FBXW11: variants seen among roughly 807,000 people sequenced by gnomAD.
The protein encoded by FBXW11 is F-box/WD repeat-containing protein 11.
A neutral mutation model predicts 77.6 loss-of-function variants in FBXW11; 19 were observed. That is an observed-to-expected ratio of 0.24 (90% CI 0.17 to 0.36). The LOEUF (loss-of-function observed/expected upper bound fraction) is 0.36, where lower values mean the gene tolerates loss of function less well. FBXW11 is among the 10% of genes least tolerant of loss of function. The probability of loss-of-function intolerance (pLI) is 1.00; values close to 1 mark genes in which losing one functional copy is unlikely to be tolerated. For synonymous variants in FBXW11, 235 were observed against 249.4 expected (o/e 0.94, Z 0.54); for missense variants, 334 against 704.2 (o/e 0.47, Z 5.95).
intron 1 of FBXW11, among the ~76,000 whole-genome samples, chr5:171,993,934 T>C (rs1483294337): frequency 6.6e-6 from 1 of 152,176 alleles, no homozygotes; most frequent in African/African-American, 2.4e-5. Flanking sequence ...ACACTGAACA[T>C]TTCAATCATT....
intron 11 of FBXW11, among the ~76,000 whole-genome samples, chr5:171,870,040 T>G (rs1757660034): frequency 6.6e-6 from 1 of 152,178 alleles, no homozygotes. Flanking sequence ...TTAAGGGAGA[T>G]AAGAAAACAA....
chr5:171,897,633 C>G (rs1390165932), intron 6 of FBXW11, among the ~76,000 whole-genome samples: 1 of 152,138 alleles, frequency 6.6e-6, no homozygotes, highest in Admixed American at 6.5e-5. Context: ...TCAACCTGAT[C>G]AGAGTTCTTC....
At chr5:171,924,781 T>G (rs1761802162) in intron 2 of FBXW11, among the ~76,000 whole-genome samples, 1 of 4,898 alleles carries the variant, frequency 2.0e-4, no homozygotes, top group African/African-American at 1.1e-3. Context: ...CCACCCCCGC[T>G]GATTGGTAGT....
At chr5:171,886,963 G>T (rs1247066275) in intron 7 of FBXW11, among the ~76,000 whole-genome samples, 1 of 152,110 alleles carries the variant, frequency 6.6e-6, no homozygotes, top group Non-Finnish European at 1.5e-5. Context: ...AGGTTGCAGT[G>T]AGCCGAAATC....
chr5:171,877,312 A>G (rs1327297316), intron 8 of FBXW11, among the ~76,000 whole-genome samples: 1 of 152,174 alleles, frequency 6.6e-6, no homozygotes, highest in African/African-American at 2.4e-5. Flanking sequence ...GAATGGTTCC[A>G]AGCTTAGTTC....
rs1245742794 is a variant in FBXW11, at chr5:171,869,613, T to A, written c.1530+116A>T. The A allele has an allele frequency of 7.7e-6, 5 of 648,550 alleles. No individual in the cohort carries two copies. Among genetic ancestry groups the A allele is most frequent in the Non-Finnish European group, 1.2e-5 (5 of 404,380 alleles). The allele number at this position is 648,550 out of a possible 1,614,324, so 40.2% of individuals were successfully genotyped here. On this transcript the variant is annotated intron_variant, in intron 12 of 13. Transcript: ENST00000517395. This position sits in a 1 kb window ranked among gnomAD's most constrained non-coding sequence, Gnocchi z 4.1. ...CTAAACAAAATGAAGACTGAAATTC[T>A]CTGAAGGCATCTTGTGAGACACACA...
intron 1 of FBXW11, among the ~76,000 whole-genome samples, chr5:172,004,682 T>C (rs1766621373): frequency 6.6e-6 from 1 of 152,204 alleles, no homozygotes; most frequent in South Asian, 2.1e-4. Context: ...ACTTCTGTTG[T>C]AAGTACATGC....
At chr5:171,922,120 T>C (rs753413899) in intron 2 of FBXW11, among the ~76,000 whole-genome samples, 1 of 152,124 alleles carries the variant, frequency 6.6e-6, no homozygotes, top group African/African-American at 2.4e-5. Flanking sequence ...TTACTAGATA[T>C]ATCTCAAACT....
chr5:171,878,870 T>C (rs1173070888), intron 7 of FBXW11, among the ~76,000 whole-genome samples: 1 of 152,086 alleles, frequency 6.6e-6, no homozygotes. Context: ...ACAACGTCTA[T>C]TAAGAGGTTT....
chr5:172,000,539 T>C (rs981109352), intron 1 of FBXW11, among the ~76,000 whole-genome samples: 4 of 152,230 alleles, frequency 2.6e-5, no homozygotes, highest in Non-Finnish European at 4.4e-5. Flanking sequence ...CAACTAAATG[T>C]TAGTCTTCTG....
intron 2 of FBXW11, among the ~76,000 whole-genome samples, chr5:171,924,501 G>A (rs191897770): frequency 1.1e-4 from 17 of 152,184 alleles, no homozygotes; most frequent in East Asian, 3.9e-4. Context: ...CTGTTTTGTC[G>A]CTCAATAAAA....
At chr5:171,936,408 A>G (rs1450502047) in intron 2 of FBXW11, among the ~76,000 whole-genome samples, 1 of 151,090 alleles carries the variant, frequency 6.6e-6, no homozygotes, top group Non-Finnish European at 1.5e-5. Context: ...GGCGGCCCCA[A>G]TCACTTGAGC....
intron 4 of FBXW11, among the ~76,000 whole-genome samples, chr5:171,900,370 G>C (rs888359941): frequency 2.0e-5 from 3 of 152,128 alleles, no homozygotes; most frequent in Non-Finnish European, 4.4e-5. Context: ...CAAATATTAA[G>C]ATAAGACTTT....
In FBXW11 at chr5:171,916,384, T is replaced by A. The variant is rs17074180; in HGVS notation, c.148-1979A>T. ...ACCTGACTTTCTCAGTAAAATCTTA[T>A]AAACCCCACAGCATCAAGGTCCACA... On this transcript the variant is annotated intron_variant, in intron 2 of 13. Transcript: ENST00000517395. 1,898 of 955,234 alleles carry A rather than the reference T, an allele frequency of 2.0e-3. 34 individuals carry two copies. In the African/African-American group the frequency reaches 0.031, roughly 16 times the overall value. 59.2% of individuals were successfully genotyped at this position (955,234 alleles called of 1,614,324 possible). A position where few individuals can be genotyped will look rare whatever the true frequency, so the allele number is the denominator to read the frequency against.
chr5:171,872,815 G>T, intron 10 of FBXW11, 57 bp downstream of exon 10: 1 of 1,207,804 alleles, frequency 8.3e-7, no homozygotes, highest in Non-Finnish European at 1.2e-6. Flanking sequence ...ACTAGGAGAT[G>T]AGTCAACAAT....
chr5:171,953,193 G>T (rs1258107103), intron 2 of FBXW11, among the ~76,000 whole-genome samples: 2 of 152,076 alleles, frequency 1.3e-5, no homozygotes, highest in Non-Finnish European at 2.9e-5. Context: ...GTAGGGCCTT[G>T]CTATGTTGCG....
Position 171,863,470 on chromosome 5 carries a change from T to A in FBXW11, c.*657A>T, listed in dbSNP as rs1312443659. On this transcript the variant is annotated 3_prime_UTR_variant, in exon 14 of 14. Transcript: ENST00000517395. ...GAGAACAGTTAATAAAAGAAAGAGCTATATTACCTGTTGGTAGATAATATA... is the reference window on the plus strand; with the variant it reads ...GAGAACAGTTAATAAAAGAAAGAGCAATATTACCTGTTGGTAGATAATATA... 6.6e-6 allele frequency: 1 copy of A among 152,594 alleles called. No homozygotes were observed. The highest frequency in any genetic ancestry group is 1.5e-5 in the Non-Finnish European group (1 of 68,046). 9.5% of individuals were successfully genotyped at this position (152,594 alleles called of 1,614,324 possible).
chr5:171,883,614 T>A (rs1307551185), intron 7 of FBXW11, among the ~76,000 whole-genome samples: 1 of 152,236 alleles, frequency 6.6e-6, no homozygotes, highest in African/African-American at 2.4e-5. Flanking sequence ...GTAGAAGTGT[T>A]CCCTGTTCAT....
At chr5:172,004,494 G>A (rs1766605873) in intron 1 of FBXW11, among the ~76,000 whole-genome samples, 1 of 152,118 alleles carries the variant, frequency 6.6e-6, no homozygotes, top group South Asian at 2.1e-4. Flanking sequence ...GTGAATTTAG[G>A]CCAAAGGTTT....
Sources: gnomAD v4.1 joint callset for allele counts (sites outside exome capture counted in the v4.1 genomes callset) on GRCh38, gnomAD v4.1.1 for gene constraint, Gnocchi (gnomAD v3.1) non-coding constraint, MANE v1.5 for transcripts, NCBI Gene and HGNC (gene_info 2026-07-23, HGNC 2026-07-21) for gene names.